RYR2: variants seen among roughly 807,000 people sequenced by gnomAD.
The protein encoded by RYR2 is ryanodine receptor 2.
RYR2 carries 227 observed loss-of-function variants against 601.1 expected under a neutral mutation model. The ratio of observed to expected loss-of-function variants is 0.38; its 90% confidence interval spans 0.34 to 0.42. RYR2 has a LOEUF of 0.42. RYR2 is among the 10% of genes least tolerant of loss of function. The probability of loss-of-function intolerance (pLI) is 1.00; values close to 1 mark genes in which losing one functional copy is unlikely to be tolerated. For missense variants in RYR2, 4,646 were observed against 6,156.5 expected (o/e 0.75, Z 8.21); for synonymous variants, 2,223 against 2,175.1 (o/e 1.02, Z -0.61).
chr1:237,756,407 C>T lies in RYR2; in HGVS notation c.11245+20C>T, dbSNP rs770014501. On this transcript the variant is annotated intron_variant, in intron 81 of 104. Coordinates refer to ENST00000366574, the MANE Select transcript of RYR2 (RefSeq NM_001035.3). ...GCAAAGGTAAGGTTCCTTGAGTTCC[C>T]CTCACGAGTGTCTGTTCTTCAGATT... is the stretch of plus-strand genomic sequence containing the variant. The T allele has an allele frequency of 2.7e-6, 4 of 1,498,006 alleles. No homozygotes were observed. Among genetic ancestry groups the T allele is most frequent in the Non-Finnish European group, 3.7e-6 (4 of 1,082,290 alleles). The allele number at this position is 1,498,006 out of a possible 1,614,324, so 92.8% of individuals were successfully genotyped here. A position where few individuals can be genotyped will look rare whatever the true frequency, so the allele number is the denominator to read the frequency against.
At chr1:237,228,729 C>T (rs1381603830) in intron 1 of RYR2, among the ~76,000 whole-genome samples, 6 of 151,980 alleles carry the variant, frequency 3.9e-5, no homozygotes, top group Non-Finnish European at 8.8e-5. Flanking sequence ...CTTGCTTTCT[C>T]ATCTGTAACA....
chr1:237,120,479 C>A (rs1295728543), intron 1 of RYR2, among the ~76,000 whole-genome samples: 3 of 152,054 alleles, frequency 2.0e-5, no homozygotes, highest in Non-Finnish European at 4.4e-5. Context: ...TAATAGGGGC[C>A]CAGAATTTTC....
At chr1:237,383,846 A>G (rs1701766234) in intron 8 of RYR2, among the ~76,000 whole-genome samples, 1 of 152,166 alleles carries the variant, frequency 6.6e-6, no homozygotes, top group African/African-American at 2.4e-5. Flanking sequence ...TGGTGCCCAA[A>G]GCCCTTGTAC....
At chr1:237,319,346 A>G (rs1223163057) in intron 2 of RYR2, among the ~76,000 whole-genome samples, 4 of 152,144 alleles carry the variant, frequency 2.6e-5, no homozygotes, top group Non-Finnish European at 5.9e-5. Context: ...AGAATGGGTT[A>G]CACTTTCCTG....
At chr1:237,732,983 T>A (rs920279962) in intron 78 of RYR2, among the ~76,000 whole-genome samples, 13 of 152,182 alleles carry the variant, frequency 8.5e-5, no homozygotes, top group Admixed American at 2.6e-4. Flanking sequence ...CATTTCTCCC[T>A]CTTAGCTAAT....
Position 237,110,744 on chromosome 1 carries a change from C to T in RYR2, c.48+68175C>T, listed in dbSNP as rs906362116. Among the ~76,000 whole-genome samples the T allele has an allele frequency of 3.9e-5, 6 of 152,292 alleles. No individual in the cohort carries two copies. In the East Asian group the frequency reaches 7.7e-4, roughly 20 times the overall value. On this transcript the variant is annotated intron_variant, in intron 1 of 104. Coordinates refer to ENST00000366574, the MANE Select transcript of RYR2 (RefSeq NM_001035.3). The stretch of plus-strand genomic sequence containing the variant: ...CGTCATCTCAGCTTCATTTCTCCCT[C>T]GGGGTACCAATGCTCTGAAACCTCC...
intron 2 of RYR2, among the ~76,000 whole-genome samples, 178 bp from the exon 3 acceptor site, chr1:237,330,700 T>G (rs1241555082): frequency 6.6e-6 from 1 of 152,176 alleles, no homozygotes; most frequent in Admixed American, 6.5e-5. Context: ...TATCTCTGGT[T>G]TTTTAAAATG....
At chr1:237,660,507 A>G (rs910849643) in intron 55 of RYR2, among the ~76,000 whole-genome samples, 1 of 152,160 alleles carries the variant, frequency 6.6e-6, no homozygotes, top group African/African-American at 2.4e-5. Flanking sequence ...TGTGAGTCAC[A>G]TGTATATTAC....
At chr1:237,260,072 G>A (rs1688370650) in intron 1 of RYR2, among the ~76,000 whole-genome samples, 1 of 152,126 alleles carries the variant, frequency 6.6e-6, no homozygotes, top group African/African-American at 2.4e-5. Flanking sequence ...TTGTTCCCCA[G>A]TGATCCAAGA....
intron 89 of RYR2, among the ~76,000 whole-genome samples, chr1:237,783,326 C>T (rs1695278066): frequency 6.6e-6 from 1 of 150,940 alleles, no homozygotes; most frequent in African/African-American, 2.5e-5. Flanking sequence ...CTCTAAAGGG[C>T]TGAGCAAATG....
At position 237,678,124 on chromosome 1, in the gene RYR2, AATCT is replaced by A. The variant is rs1333296251; in HGVS notation, c.8895+17_8895+20del. ...AGTTCTTTGCAAAAGTACAGTATAC[AATCT>A]ATCTTGTTTTTGCTTCAATATGTTT... On this transcript the variant is annotated intron_variant, in intron 61 of 104. Coordinates refer to ENST00000366574, the MANE Select transcript of RYR2 (RefSeq NM_001035.3). The A allele has an allele frequency of 2.0e-6, 3 of 1,511,960 alleles. No individual in the cohort carries two copies. Among genetic ancestry groups the A allele is most frequent in the African/African-American group, 2.7e-5 (2 of 73,370 alleles). 93.7% of individuals were successfully genotyped at this position (1,511,960 alleles called of 1,614,324 possible). A position where few individuals can be genotyped will look rare whatever the true frequency, so the allele number is the denominator to read the frequency against.
intron 83 of RYR2, among the ~76,000 whole-genome samples, chr1:237,760,280 C>G (rs1164205477): frequency 6.7e-6 from 1 of 149,630 alleles, no homozygotes; most frequent in Non-Finnish European, 1.5e-5. Context: ...ATTTCTTGAG[C>G]CCAGAAGTTC....
Position 237,430,892 on chromosome 1 carries a change from T to G in RYR2, c.1005+7644T>G, listed in dbSNP as rs187630407. ...GGGCTCATATTTGAGGACTTTTGAC[T>G]CTCCAGATCCTTCTGTGATTTCTGC... On this transcript the variant is annotated intron_variant, in intron 12 of 104. Transcript: ENST00000366574. Among the ~76,000 whole-genome samples, 6 of 152,338 alleles carry G rather than the reference T, an allele frequency of 3.9e-5. No individual in the cohort carries two copies. In the East Asian group the frequency reaches 1.2e-3, roughly 29 times the overall value.
intron 1 of RYR2, among the ~76,000 whole-genome samples, chr1:237,182,468 G>C (rs1678884299): frequency 6.6e-6 from 1 of 151,934 alleles, no homozygotes; most frequent in Admixed American, 6.6e-5. Flanking sequence ...TTCCCTTCCT[G>C]GAAATTGTCA....
intron 2 of RYR2, among the ~76,000 whole-genome samples, chr1:237,277,224 A>T (rs578186356): frequency 7.9e-5 from 12 of 152,344 alleles, no homozygotes; most frequent in African/African-American, 2.6e-4. Flanking sequence ...ATTTATGTTT[A>T]AAAAATAATA....
At chr1:237,285,743 T>G (rs7533036) in intron 2 of RYR2, among the ~76,000 whole-genome samples, 69,801 of 151,914 alleles carry the variant, frequency 0.46, 17,827 homozygotes, top group East Asian at 0.75. Flanking sequence ...CTCCTCCTGA[T>G]TTAAGCTAGG....
chr1:237,775,117 C>A, intron 87 of RYR2, among the ~76,000 whole-genome samples: 1 of 147,378 alleles, frequency 6.8e-6, no homozygotes, highest in African/African-American at 2.5e-5. Flanking sequence ...AGTAACTTCT[C>A]TTATTACTTA....
intron 103 of RYR2, among the ~76,000 whole-genome samples, chr1:237,831,300 C>G (rs368346127): frequency 6.1e-4 from 93 of 152,324 alleles, no homozygotes; most frequent in African/African-American, 2.2e-3. Context: ...ATATTCCTAA[C>G]TTGAAGCCTC....
chr1:237,245,050 A>C (rs77852272), intron 1 of RYR2, among the ~76,000 whole-genome samples: 3 of 84,264 alleles, frequency 3.6e-5, no homozygotes, highest in Non-Finnish European at 8.6e-5. Context: ...TCTAAAAAAT[A>C]AAAAAAAAAT....
Sources: allele counts gnomAD v4.1 joint callset (sites outside exome capture counted in the v4.1 genomes callset), GRCh38; gene constraint gnomAD v4.1.1; transcripts MANE v1.5; gene names NCBI Gene and HGNC (gene_info 2026-07-23, HGNC 2026-07-21).